The following ANKRD11 variants were observed in gnomAD, a reference collection of about 807,000 sequenced individuals.
ANKRD11 encodes the protein ankyrin repeat domain-containing protein 11.
A neutral mutation model predicts 195.7 loss-of-function variants in ANKRD11; 17 were observed. The ratio of observed to expected loss-of-function variants is 0.09; its 90% CI spans 0.06 to 0.13. The LOEUF (loss-of-function observed/expected upper bound fraction) is 0.13. Ranked by LOEUF, ANKRD11 falls within the 10% of genes least tolerant of loss-of-function variation. The pLI, the probability that ANKRD11 is intolerant of heterozygous loss-of-function variation, is 1.00. For synonymous variants in ANKRD11, 1,953 were observed against 1,528.1 expected (o/e 1.28, Z -6.49); for missense variants, 3,735 against 3,566.1 (o/e 1.05, Z -1.21).
In ANKRD11 at chr16:89,285,892, G is replaced by T. The variant is rs895899739; in HGVS notation, c.892+147C>A. The T allele has an allele frequency of 1.6e-6, 2 of 1,280,688 alleles. No individual in the cohort carries two copies. The highest frequency in any genetic ancestry group is 2.2e-6 in the Non-Finnish European group (2 of 903,402). The allele number at this position is 1,280,688 out of a possible 1,614,324, so 79.3% of individuals were successfully genotyped here. ...GGCTTCTCGGCAGTGACACACCTGGGCGGGGTCTCCCGCAGTCCAGAAGCT... is the reference window on the plus strand; with the variant it reads ...GGCTTCTCGGCAGTGACACACCTGGTCGGGGTCTCCCGCAGTCCAGAAGCT... On this transcript the variant is annotated intron_variant, in intron 8 of 12. Coordinates refer to ENST00000301030, the MANE Select transcript of ANKRD11 (RefSeq NM_013275.6). The surrounding 1 kb of genome is among the most constrained non-coding windows in gnomAD (Gnocchi z 5.6).
rs202204495 is a variant in ANKRD11 at position 89,305,372 on chromosome 16, G to A, written c.88-28C>T. ...AGAAAAGAAAGGGATGCTTTCAGTC[G>A]TGATGTCCAAATTACATTCTCAAGC... On this transcript the variant is annotated intron_variant, in intron 3 of 12. Transcript: ENST00000301030. 56 of 1,613,488 alleles carry A rather than the reference G, an allele frequency of 3.5e-5. 1 individual carries two copies. In the Admixed American group the frequency reaches 7.0e-4, roughly 20 times the overall value.
chr16:89,480,003 C>T lies in ANKRD11; in HGVS notation c.-145+10242G>A, dbSNP rs868259590. 8.0e-5 allele frequency among the ~76,000 whole-genome samples: 12 copies of T among 150,810 alleles called. No homozygotes were observed. In the South Asian group the frequency reaches 8.4e-4, roughly 11 times the overall value. On this transcript the variant is annotated intron_variant, in intron 1 of 12. Coordinates refer to ENST00000301030, the MANE Select transcript of ANKRD11 (RefSeq NM_013275.6). ...GCACACACCTCTAATCCCAGCTACT[C>T]GGGAGGCTGAGGCAGGAGAAATGCT...
chr16:89,450,776 C>G (rs1041013853), intron 1 of ANKRD11, among the ~76,000 whole-genome samples: 2 of 152,278 alleles, frequency 1.3e-5, no homozygotes, highest in Non-Finnish European at 2.9e-5. Flanking sequence ...GGATTACAGG[C>G]GTGAGCCACC....
intron 2 of ANKRD11, chr16:89,361,693 T>C (rs1299372620): frequency 6.6e-6 from 1 of 151,968 alleles, no homozygotes; most frequent in Non-Finnish European, 1.5e-5. Context: ...GAAACACCAA[T>C]CAGTAGAAGA....
chr16:89,484,376 T>C (rs759414590), intron 1 of ANKRD11, among the ~76,000 whole-genome samples: 11 of 152,224 alleles, frequency 7.2e-5, no homozygotes, highest in African/African-American at 1.2e-4. Flanking sequence ...GCCATAATGA[T>C]TTCAAGTTTA....
At position 89,290,292 on chromosome 16, in the gene ANKRD11, C is replaced by CGGGGGAGG. The variant is rs2034954625; in HGVS notation, c.601+332_601+333insCCTCCCCC. Among the ~76,000 whole-genome samples the CGGGGGAGG allele has an allele frequency of 4.1e-5, 2 of 48,316 alleles. 1 individual carries two copies. The highest frequency in any genetic ancestry group is 8.5e-5 in the Non-Finnish European group (2 of 23,658). 31.7% of individuals were successfully genotyped at this position (48,316 alleles called of 152,430 possible). ...AATGGGGGTAGGCTCAGGGCTCCAG[C>CGGGGGAGG]CGGGGGAGGCTCAGGGCTCCAATGG... On this transcript the variant is annotated intron_variant, in intron 6 of 12. Transcript: ENST00000301030.
At position 89,273,429 on chromosome 16, in the gene ANKRD11, C is replaced by T. The variant is rs529488347; in HGVS notation, c.7713+1385G>A. On this transcript the variant is annotated intron_variant, in intron 11 of 12. Transcript: ENST00000301030. ...TTAAAGAAAATCTGTCGGCTGGGTG[C>T]GGTGGCTCACGCCTGTAACTCCCGC... Among the ~76,000 whole-genome samples, 6 of 152,264 alleles carry T rather than the reference C, an allele frequency of 3.9e-5. No homozygotes were observed. In the South Asian group the frequency reaches 8.3e-4, roughly 21 times the overall value.
rs764885268 is a variant in ANKRD11, at chr16:89,279,862, G to A, written c.6680C>T (p.Pro2227Leu). 6.4e-6 allele frequency: 10 copies of A among 1,558,674 alleles called. No homozygotes were observed. Among genetic ancestry groups the A allele is most frequent in the South Asian group, 3.5e-5 (3 of 85,570 alleles). ...LEAAVEAETV[P>L]EERARGDPDS... is the part of the protein sequence containing the mutation. ...CGGATCCCCACGGGCCCTCTCTTCC[G>A]GCACCGTCTCCGCCTCCACCGCAGC... Residue 2227 changes from proline to leucine, a missense_variant, in exon 9 of 13, where the codon CCG (proline) becomes CTG (leucine). Pro to Leu is a moderately conservative substitution (Grantham distance 98, BLOSUM62 -3). Transcript: ENST00000301030. The surrounding 1 kb of genome is among the most constrained non-coding windows in gnomAD (Gnocchi z 5.6).
chr16:89,278,571 C>A (rs1239699236), intron 9 of ANKRD11: 1 of 457,340 alleles, frequency 2.2e-6, no homozygotes, highest in East Asian at 7.0e-5. Flanking sequence ...GAGGACCAAG[C>A]TGCCCCAAGG....
chr16:89,288,908 AC>A (rs2034839515), intron 6 of ANKRD11: 1 of 607,372 alleles, frequency 1.6e-6, no homozygotes, highest in South Asian at 1.9e-5. Context: ...CGGACTGACA[AC>A]CTGCAGGGCT....
intron 1 of ANKRD11, among the ~76,000 whole-genome samples, chr16:89,445,033 A>G (rs912249380): frequency 1.3e-5 from 2 of 151,892 alleles, no homozygotes; most frequent in Non-Finnish European, 2.9e-5. Flanking sequence ...CTGCCCTTGC[A>G]CCACCCACCT....
At chr16:89,329,649 G>T (rs2037942265) in intron 2 of ANKRD11, among the ~76,000 whole-genome samples, 1 of 152,152 alleles carries the variant, frequency 6.6e-6, no homozygotes, top group African/African-American at 2.4e-5. Flanking sequence ...TATGAGGTAG[G>T]AGGTAAGCTT....
chr16:89,393,252 C>A (rs2041275250), intron 2 of ANKRD11, among the ~76,000 whole-genome samples: 1 of 152,096 alleles, frequency 6.6e-6, no homozygotes, highest in South Asian at 2.1e-4. Flanking sequence ...ACCCTGGGAC[C>A]AAGAGAGTCC....
chr16:89,423,287 G>A (rs114660630), intron 1 of ANKRD11, among the ~76,000 whole-genome samples: 2,732 of 152,348 alleles, frequency 0.018, 82 homozygotes, highest in African/African-American at 0.062. Context: ...GTCCACAGGG[G>A]AGCCACTGAC....
chr16:89,379,245 G>A (rs770086066), intron 2 of ANKRD11, among the ~76,000 whole-genome samples: 6 of 152,250 alleles, frequency 3.9e-5, no homozygotes, highest in Non-Finnish European at 8.8e-5. Flanking sequence ...ACAGGCTCAT[G>A]CTTTTTTAAT....
intron 9 of ANKRD11, among the ~76,000 whole-genome samples, chr16:89,276,134 T>A (rs993484874): frequency 6.6e-5 from 10 of 151,900 alleles, no homozygotes; most frequent in Admixed American, 1.3e-4. Context: ...GATGGGCAGG[T>A]GGACGCACAA....
Position 89,426,592 on chromosome 16 carries a change from A to T in ANKRD11, c.-144-8224T>A, listed in dbSNP as rs1039129259. Reference sequence around the variant, plus strand: ...AAATCTGAAATCCTGACCAATGAAGACATAAGACCAACCTTTCAGAAAGCC... The same window carrying T: ...AAATCTGAAATCCTGACCAATGAAGTCATAAGACCAACCTTTCAGAAAGCC... On this transcript the variant is annotated intron_variant, in intron 1 of 12. Coordinates refer to ENST00000301030, the MANE Select transcript of ANKRD11 (RefSeq NM_013275.6). Among the ~76,000 whole-genome samples, 4 of 151,868 alleles carry T rather than the reference A, an allele frequency of 2.6e-5. No individual in the cohort carries two copies. In the South Asian group the frequency reaches 8.3e-4, roughly 32 times the overall value.
intron 2 of ANKRD11, among the ~76,000 whole-genome samples, chr16:89,364,327 C>G (rs952474407): frequency 2.0e-5 from 3 of 152,186 alleles, no homozygotes; most frequent in Admixed American, 6.5e-5. Flanking sequence ...CCAGGCAACA[C>G]AAGAATTAAG....
intron 1 of ANKRD11, among the ~76,000 whole-genome samples, chr16:89,433,202 A>T (rs1349315724): frequency 6.6e-6 from 1 of 152,216 alleles, no homozygotes; most frequent in Non-Finnish European, 1.5e-5. Flanking sequence ...GACAGTAAGG[A>T]GGCCTCCCCT....
Sources: allele counts gnomAD v4.1 joint callset (sites outside exome capture counted in the v4.1 genomes callset), GRCh38; gene constraint gnomAD v4.1.1; non-coding constraint Gnocchi (gnomAD v3.1); transcripts MANE v1.5; gene names NCBI Gene and HGNC (gene_info 2026-07-23, HGNC 2026-07-21).